PLBD1: variants seen among roughly 807,000 people sequenced by gnomAD.
PLBD1 encodes the protein lysosomal leucine aminopeptidase.
Under a neutral mutation model 63.0 loss-of-function variants are expected in PLBD1, and 60 were observed. That is an observed-to-expected ratio of 0.95 (90% CI 0.77 to 1.18). PLBD1 has a LOEUF of 1.18. Among genes scored for constraint, PLBD1 ranks in the 50% most tolerant of loss-of-function variants. The pLI is 0.00. For missense variants in PLBD1, 598 were observed against 677.9 expected (o/e 0.88, Z 1.31); for synonymous variants, 262 against 248.0 (o/e 1.06, Z -0.53).
intron 6 of PLBD1, among the ~76,000 whole-genome samples, chr12:14,521,061 T>G (rs1307827655): frequency 6.6e-6 from 1 of 152,168 alleles, no homozygotes. Context: ...GAGGCTCTGC[T>G]GCAAGTACAC....
At chr12:14,519,439 G>A (rs1017895308) in intron 6 of PLBD1, among the ~76,000 whole-genome samples, 2 of 151,850 alleles carry the variant, frequency 1.3e-5, no homozygotes, top group South Asian at 2.1e-4. Flanking sequence ...CTAACAGGGC[G>A]AAACCCTGTC....
chr12:14,564,895 T>G (rs1052286867), intron 1 of PLBD1, among the ~76,000 whole-genome samples: 3 of 152,336 alleles, frequency 2.0e-5, no homozygotes, highest in Middle Eastern at 3.4e-3. Context: ...GGAGACTGAA[T>G]GACTTCCAAG....
At chr12:14,563,377 G>C (rs1266919923) in intron 1 of PLBD1, among the ~76,000 whole-genome samples, 1 of 152,132 alleles carries the variant, frequency 6.6e-6, no homozygotes, top group Non-Finnish European at 1.5e-5. Flanking sequence ...AAATCAACCA[G>C]GCATGGTGGT....
At chr12:14,513,240 G>A (rs1292094479) in intron 6 of PLBD1, among the ~76,000 whole-genome samples, 1 of 152,072 alleles carries the variant, frequency 6.6e-6, no homozygotes, top group Non-Finnish European at 1.5e-5. Context: ...TCTGATATAT[G>A]TATACATTGT....
intron 10 of PLBD1, among the ~76,000 whole-genome samples, chr12:14,504,440 A>C (rs2136900869): frequency 6.6e-6 from 1 of 152,358 alleles, no homozygotes; most frequent in Middle Eastern, 3.4e-3. Flanking sequence ...ATGTCAGTTG[A>C]CTAGAAGTGT....
intron 6 of PLBD1, among the ~76,000 whole-genome samples, chr12:14,524,255 G>A (rs1330005988): frequency 2.0e-5 from 3 of 152,044 alleles, no homozygotes. Flanking sequence ...GCTTACTATA[G>A]TTAACAATAC....
At chr12:14,553,126 G>A (rs1190229878) in intron 2 of PLBD1, 67 bp downstream of exon 2, 12 of 1,335,252 alleles carry the variant, frequency 9.0e-6, no homozygotes, top group East Asian at 2.5e-5. Flanking sequence ...GAAGATGAGA[G>A]TCACTGTGGA....
At chr12:14,511,767 T>A in intron 6 of PLBD1, 56 bp from the exon 7 acceptor site, 1 of 1,506,830 alleles carries the variant, frequency 6.6e-7, no homozygotes, top group Non-Finnish European at 9.2e-7. Flanking sequence ...CAGTGAACCA[T>A]CATTATTGAC....
At chr12:14,511,753 G>A (rs745786780) in intron 6 of PLBD1, 42 bp from the exon 7 acceptor site, 2 of 1,549,920 alleles carry the variant, frequency 1.3e-6, no homozygotes, top group Non-Finnish European at 1.8e-6. Flanking sequence ...ATGTATACAT[G>A]GAACAGTGAA....
chr12:14,519,344 G>A (rs1945358867), intron 6 of PLBD1, among the ~76,000 whole-genome samples: 1 of 152,160 alleles, frequency 6.6e-6, no homozygotes, highest in Admixed American at 6.5e-5. Flanking sequence ...AAGTGAGCCG[G>A]GCGTGGTGGC....
intron 6 of PLBD1, among the ~76,000 whole-genome samples, chr12:14,521,896 A>C (rs933604010): frequency 3.3e-5 from 5 of 152,220 alleles, no homozygotes; most frequent in African/African-American, 1.2e-4. Context: ...TAGGCAATTC[A>C]ATAAAATCAG....
At chr12:14,543,598 AC>A (rs1180561481) in intron 2 of PLBD1, among the ~76,000 whole-genome samples, 3 of 151,798 alleles carry the variant, frequency 2.0e-5, no homozygotes, top group Admixed American at 6.6e-5. Context: ...GGAGGCGTGC[AC>A]CTGTAATCCC....
chr12:14,540,022 A>G (rs1443992245), intron 4 of PLBD1, among the ~76,000 whole-genome samples: 2 of 7,858 alleles, frequency 2.5e-4, no homozygotes, highest in African/African-American at 3.0e-4. Context: ...ACATATATAT[A>G]TATATATATA....
At chr12:14,566,689 A>G (rs963471742) in intron 1 of PLBD1, among the ~76,000 whole-genome samples, 1 of 151,894 alleles carries the variant, frequency 6.6e-6, no homozygotes. Flanking sequence ...GGCATCCCCT[A>G]ACTCTGTCTT....
intron 4 of PLBD1, among the ~76,000 whole-genome samples, chr12:14,538,255 G>A (rs536129276): frequency 1.2e-4 from 19 of 152,010 alleles, no homozygotes; most frequent in East Asian, 3.9e-4. Flanking sequence ...GTGCAATGGC[G>A]CGATCTCAGC....
At chr12:14,558,344 G>C (rs1309084116) in intron 1 of PLBD1, among the ~76,000 whole-genome samples, 1 of 152,116 alleles carries the variant, frequency 6.6e-6, no homozygotes, top group Non-Finnish European at 1.5e-5. Context: ...ACAAATAATT[G>C]TCTGATTGTT....
At chr12:14,520,718 T>C (rs1945367936) in intron 6 of PLBD1, among the ~76,000 whole-genome samples, 1 of 152,202 alleles carries the variant, frequency 6.6e-6, no homozygotes, top group Admixed American at 6.5e-5. Flanking sequence ...TGCCACTTCG[T>C]CTTCCCAGTC....
At chr12:14,549,485 A>ACT (rs537364386) in intron 2 of PLBD1, among the ~76,000 whole-genome samples, 4 of 152,306 alleles carry the variant, frequency 2.6e-5, no homozygotes, top group African/African-American at 9.6e-5. Context: ...ACAGTCACAC[A>ACT]CTAGACAGAG....
chr12:14,536,217 T>G (rs993392523), intron 5 of PLBD1: 1 of 239,668 alleles, frequency 4.2e-6, no homozygotes. Context: ...GAGAATCGCT[T>G]GAACCTGGGA....
Sources: allele counts gnomAD v4.1 joint callset (sites outside exome capture counted in the v4.1 genomes callset), GRCh38; gene constraint gnomAD v4.1.1; transcripts MANE v1.5; gene names NCBI Gene and HGNC (gene_info 2026-07-23, HGNC 2026-07-21).